The following RARB variants were observed in gnomAD, a reference collection of about 807,000 sequenced individuals.
RARB encodes HBV-activated protein.
Under a neutral mutation model 51.9 loss-of-function variants are expected in RARB, and 17 were observed. That is an observed-to-expected ratio of 0.33 (90% CI 0.22 to 0.49). The LOEUF (loss-of-function observed/expected upper bound fraction) is 0.49. RARB is among the 20% of genes least tolerant of loss of function. RARB has a pLI of 0.99. For synonymous variants in RARB, 215 were observed against 195.4 expected (o/e 1.10, Z -0.84); for missense variants, 369 against 550.8 (o/e 0.67, Z 3.30).
chr3:25,267,982 A>C (rs1022246633), intron 5 of RARB, among the ~76,000 whole-genome samples: 2 of 152,202 alleles, frequency 1.3e-5, no homozygotes, highest in African/African-American at 2.4e-5. Flanking sequence ...GGTATTTTCA[A>C]ATGCTAGGAG....
chr3:25,366,084 A>G (rs1706110504), intron 5 of RARB, among the ~76,000 whole-genome samples: 1 of 152,206 alleles, frequency 6.6e-6, no homozygotes. Flanking sequence ...TAGGGATGAG[A>G]CACAACTAGA....
chr3:25,037,769 A>G (rs1243432088), intron 2 of RARB, among the ~76,000 whole-genome samples: 3 of 152,166 alleles, frequency 2.0e-5, no homozygotes, highest in Non-Finnish European at 2.9e-5. Context: ...TTCCCTACAC[A>G]TTGTTTAATC....
chr3:25,214,450 T>C (rs919151888), intron 5 of RARB, among the ~76,000 whole-genome samples: 1 of 152,226 alleles, frequency 6.6e-6, no homozygotes, highest in Non-Finnish European at 1.5e-5. Flanking sequence ...GTGGGTTCAG[T>C]AGCTTTTAAA....
chr3:25,213,943 T>C (rs566536895), intron 5 of RARB, among the ~76,000 whole-genome samples: 2 of 152,352 alleles, frequency 1.3e-5, no homozygotes, highest in South Asian at 2.1e-4. Flanking sequence ...GATTTTGTTA[T>C]ATATTTCTAG....
intron 5 of RARB, among the ~76,000 whole-genome samples, chr3:25,293,041 C>G (rs1243381870): frequency 6.6e-6 from 1 of 152,028 alleles, no homozygotes; most frequent in Non-Finnish European, 1.5e-5. Context: ...AATTTTTTTC[C>G]TGTGGCTGAG....
rs551071438 is a variant in RARB, at chr3:24,881,696, A to T, written c.-380+22944A>T. Among the ~76,000 whole-genome samples the T allele has an allele frequency of 3.9e-5, 6 of 152,366 alleles. No homozygotes were observed. The East Asian group carries it at 1.2e-3, about 29-fold the overall frequency. ...CAAAACCTTCAAAATTCTGAAGGAA[A>T]ATATGGAACCAACCCAAGAATGTCA... is the stretch of plus-strand genomic sequence containing the variant. On this transcript the variant is annotated intron_variant, in intron 2 of 11. Coordinates refer to the RARB transcript ENST00000383772.
At chr3:25,205,495 A>T (rs2125374161) in intron 5 of RARB, among the ~76,000 whole-genome samples, 1 of 152,242 alleles carries the variant, frequency 6.6e-6, no homozygotes, top group Admixed American at 6.5e-5. Context: ...AAATGCAGAA[A>T]TAATTTGTCT....
chr3:25,345,780 A>C (rs1705373750), intron 5 of RARB, among the ~76,000 whole-genome samples: 1 of 152,194 alleles, frequency 6.6e-6, no homozygotes, highest in African/African-American at 2.4e-5. Context: ...GAAGTAAATA[A>C]GTTTCTCAGA....
At chr3:25,391,454 C>A (rs970274460) in intron 5 of RARB, among the ~76,000 whole-genome samples, 25 of 152,034 alleles carry the variant, frequency 1.6e-4, no homozygotes, top group African/African-American at 5.8e-4. Flanking sequence ...ACTTTTAGTT[C>A]TTTAAGGAAT....
At chr3:25,054,550 A>G (rs1465422938) in intron 2 of RARB, among the ~76,000 whole-genome samples, 1 of 152,230 alleles carries the variant, frequency 6.6e-6, no homozygotes, top group East Asian at 1.9e-4. Flanking sequence ...CAGAAGGCAC[A>G]GGATGAGTGA....
At chr3:25,236,068 A>G (rs1413064637) in intron 5 of RARB, among the ~76,000 whole-genome samples, 2 of 152,058 alleles carry the variant, frequency 1.3e-5, no homozygotes, top group Non-Finnish European at 2.9e-5. Context: ...CTTCTTTGGT[A>G]TTTGTAGATC....
At chr3:25,363,884 A>G (rs1286016587) in intron 5 of RARB, among the ~76,000 whole-genome samples, 1 of 152,018 alleles carries the variant, frequency 6.6e-6, no homozygotes, top group African/African-American at 2.4e-5. Flanking sequence ...TGTTCCTCTT[A>G]CATGACAGTA....
intron 3 of RARB, among the ~76,000 whole-genome samples, chr3:25,538,753 C>A (rs934370082): frequency 6.6e-6 from 1 of 152,192 alleles, no homozygotes; most frequent in African/African-American, 2.4e-5. Flanking sequence ...TTGAGGAAAT[C>A]TATTGTATAA....
chr3:25,216,861 G>A (rs1270908844), intron 5 of RARB, among the ~76,000 whole-genome samples: 1 of 151,890 alleles, frequency 6.6e-6, no homozygotes, highest in Admixed American at 6.6e-5. Context: ...GAAGAAATCA[G>A]ATCATCTCTT....
At chr3:25,429,770 C>T (rs553734307) in intron 1 of RARB, among the ~76,000 whole-genome samples, 1 of 152,316 alleles carries the variant, frequency 6.6e-6, no homozygotes, top group Admixed American at 6.5e-5. Flanking sequence ...GATCAGGAGT[C>T]CCAGAAAATC....
intron 2 of RARB, among the ~76,000 whole-genome samples, chr3:24,980,244 T>G (rs878919188): frequency 6.6e-6 from 1 of 152,158 alleles, no homozygotes; most frequent in African/African-American, 2.4e-5. Flanking sequence ...GACAATTATG[T>G]GTCTTCGGGT....
chr3:25,562,616 C>G (rs73151304), intron 3 of RARB, among the ~76,000 whole-genome samples: 5,509 of 152,278 alleles, frequency 0.036, 330 homozygotes, highest in African/African-American at 0.13. Context: ...ATACATTAAG[C>G]CAGAACATTT....
chr3:25,106,568 G>T (rs1451791922), intron 3 of RARB, among the ~76,000 whole-genome samples: 2 of 150,584 alleles, frequency 1.3e-5, no homozygotes, highest in African/African-American at 4.9e-5. Flanking sequence ...CTCCCAAAGT[G>T]CTGGGTTTAC....
chr3:25,027,661 G>C (rs984779581), intron 2 of RARB, among the ~76,000 whole-genome samples: 4 of 146,354 alleles, frequency 2.7e-5, no homozygotes, highest in African/African-American at 1.0e-4. Flanking sequence ...TAGTTAGCAA[G>C]ACCATAAAAG....
Sources: gnomAD v4.1 joint callset for allele counts (sites outside exome capture counted in the v4.1 genomes callset) on GRCh38, gnomAD v4.1.1 for gene constraint, MANE v1.5 for transcripts, NCBI Gene and HGNC (gene_info 2026-07-23, HGNC 2026-07-21) for gene names.